The following TNRC6C variants were observed in gnomAD, a reference collection of about 807,000 sequenced individuals.
TNRC6C encodes trinucleotide repeat containing adaptor 6C.
TNRC6C carries 20 observed loss-of-function variants against 153.7 expected under a neutral mutation model. The ratio of observed to expected loss-of-function variants is 0.13; its 90% CI spans 0.09 to 0.19. TNRC6C has a LOEUF of 0.19. Ranked by LOEUF, TNRC6C falls within the 10% of genes least tolerant of loss-of-function variation. The pLI is 1.00. For synonymous variants in TNRC6C, 811 were observed against 841.4 expected, an observed-to-expected ratio of 0.96 and a Z score of 0.63; for missense variants, 1,987 against 2,172.0, an observed-to-expected ratio of 0.91 and a Z score of 1.69.
Position 78,049,697 on chromosome 17 carries a change from T to C in TNRC6C, c.635T>C (p.Val212Ala), listed in dbSNP as rs76493839. 6.2e-7 allele frequency: 1 copy of C among 1,607,452 alleles called. No homozygotes were observed. Among genetic ancestry groups the C allele is most frequent in the Admixed American group, 1.7e-5 (1 of 59,814 alleles). The change falls in exon 3 of 20, where the codon GTT becomes GCT. Residue 212 changes from valine (V) to alanine (A), a missense_variant. Around this residue, in one of 4 missense-constraint regions of TNRC6C, gnomAD observed 1,052 missense variants for 1,017.0 expected, o/e 1.03. Transcript: ENST00000301624. The surrounding 1 kb of genome is among the most constrained non-coding windows in gnomAD (Gnocchi z 4.1). ...GGACTGCCAAACTGGGGCATGGCTG[T>C]TGGTATGGGGGCCATCATCCCGCCC...
exon 20 of TNRC6C, chr17:78,106,154 G>T (rs2073690087): frequency 6.6e-6 from 1 of 151,820 alleles, no homozygotes; most frequent in Non-Finnish European, 1.5e-5. Context: ...GGCGTGGGTT[G>T]TGACTGCTTT....
Position 78,049,796 on chromosome 17 carries a change from G to A in TNRC6C, c.734G>A (p.Ser245Asn), listed in dbSNP as rs78918934. 1.7e-3 allele frequency: 2,703 copies of A among 1,603,540 alleles called. 30 individuals carry two copies. The highest frequency in any genetic ancestry group is 0.017 in the African/African-American group (1,261 of 74,930). Residue 245 changes from serine to asparagine, a missense_variant, in exon 3 of 20, where the codon AGC (serine) becomes AAC (asparagine). By Grantham distance (46) the Ser-to-Asn change is conservative. This residue lies in a region of TNRC6C where 1,052 missense variants were observed against 1,017.0 expected (regional missense o/e 1.03). Coordinates refer to ENST00000301624, the Ensembl canonical transcript of TNRC6C. This position sits in a 1 kb window ranked among gnomAD's most constrained non-coding sequence, Gnocchi z 4.1. Reference sequence around the variant, plus strand: ...AGTGGGGGCAGTGCTGAAGGAATAAGCAATTCTGTGTGGGGACTGTCCCCA... The same window carrying A: ...AGTGGGGGCAGTGCTGAAGGAATAAACAATTCTGTGTGGGGACTGTCCCCA...
rs527254930 is a variant in TNRC6C, at chr17:78,051,365, C to T, written c.2303C>T (p.Thr768Met). The T allele has an allele frequency of 6.8e-5, 106 of 1,551,236 alleles. 2 individuals are homozygous for T. Among genetic ancestry groups the T allele is most frequent in the South Asian group, 4.8e-4 (40 of 84,036 alleles). Reference sequence around the variant, plus strand: ...ACCACCACCACCACCACCACTACCACGAGCAACACCACACACAGGGTCGAG... The same window carrying T: ...ACCACCACCACCACCACCACTACCATGAGCAACACCACACACAGGGTCGAG... Residue 768 changes from threonine to methionine, a missense_variant, in exon 3 of 20, where the codon ACG becomes ATG. By Grantham distance (81) the Thr-to-Met change is moderately conservative. Coordinates refer to ENST00000301624, the Ensembl canonical transcript of TNRC6C.
At chr17:78,089,731 C>A (rs973334243) in intron 13 of TNRC6C, among the ~76,000 whole-genome samples, 7 of 152,296 alleles carry the variant, frequency 4.6e-5, no homozygotes, top group Non-Finnish European at 1.0e-4. Context: ...AGTTCACTTT[C>A]ACTTTGAGTG....
chr17:78,040,277 T>C (rs1444003605), intron 2 of TNRC6C, among the ~76,000 whole-genome samples: 6 of 152,360 alleles, frequency 3.9e-5, no homozygotes, highest in Non-Finnish European at 7.3e-5. Context: ...GCAGATTATG[T>C]TTTGCAAGTC....
intron 1 of TNRC6C, among the ~76,000 whole-genome samples, chr17:77,996,467 A>T (rs2071330141): frequency 1.3e-5 from 2 of 152,174 alleles, no homozygotes; most frequent in Admixed American, 6.5e-5. Context: ...AGTGCGGTGA[A>T]TCCACTCCAG....
chr17:78,015,772 C>T (rs1190275058), intron 1 of TNRC6C, among the ~76,000 whole-genome samples: 7 of 152,082 alleles, frequency 4.6e-5, no homozygotes, highest in East Asian at 3.9e-4. Flanking sequence ...ATTAGCTGGG[C>T]GTGGTGGTGG....
intron 2 of TNRC6C, among the ~76,000 whole-genome samples, chr17:78,039,978 TAGTC>T (rs1373587838): frequency 3.3e-5 from 5 of 152,210 alleles, no homozygotes; most frequent in Non-Finnish European, 5.9e-5. Flanking sequence ...CAAGGAGAGA[TAGTC>T]AGTTATTGCC....
rs1434778564 is a variant in TNRC6C, at chr17:78,049,106, A to G, written c.44A>G (p.Lys15Arg). 6.3e-7 allele frequency: 1 copy of G among 1,579,618 alleles called. No individual in the cohort carries two copies. The highest frequency in any genetic ancestry group is 1.3e-5 in the African/African-American group (1 of 74,390). The change falls in exon 3 of 20, where the codon AAG becomes AGG. Residue 15 changes from lysine to arginine, a missense_variant. Around this residue, in one of 4 missense-constraint regions of TNRC6C, gnomAD observed 1,052 missense variants for 1,017.0 expected, o/e 1.03. Coordinates refer to ENST00000301624, the Ensembl canonical transcript of TNRC6C. The surrounding 1 kb of genome is among the most constrained non-coding windows in gnomAD (Gnocchi z 4.1). The stretch of plus-strand genomic sequence containing the variant: ...CAGGGCAACTTCACTGGACATACCA[A>G]GAAGACAAATGGCAATAATGGCACC...
At chr17:77,998,661 T>C (rs1719307459) in intron 1 of TNRC6C, among the ~76,000 whole-genome samples, 4 of 152,232 alleles carry the variant, frequency 2.6e-5, no homozygotes, top group Admixed American at 2.0e-4. Flanking sequence ...TCTAAACTTT[T>C]ATTTGTTTAC....
At chr17:77,965,313 C>A (rs981291783) in intron 1 of TNRC6C, among the ~76,000 whole-genome samples, 2 of 152,206 alleles carry the variant, frequency 1.3e-5, no homozygotes, top group African/African-American at 2.4e-5. Flanking sequence ...TGCTATCCAG[C>A]TGCCAATATT....
At chr17:78,087,167 C>A in intron 13 of TNRC6C, 74 bp downstream of exon 15, 1 of 1,555,440 alleles carries the variant, frequency 6.4e-7, no homozygotes, top group African/African-American at 1.4e-5. Context: ...GTAGCCAGGG[C>A]AGCATTTCAG....
chr17:78,082,725 T>C (rs1213330866), intron 10 of TNRC6C, among the ~76,000 whole-genome samples: 2 of 152,118 alleles, frequency 1.3e-5, no homozygotes, highest in African/African-American at 4.8e-5. Flanking sequence ...GCTATGAACA[T>C]CTGCTTTTCT....
exon 20 of TNRC6C, chr17:78,105,286 A>G (rs1208319044): frequency 6.5e-6 from 1 of 154,716 alleles, no homozygotes; most frequent in Non-Finnish European, 1.4e-5. Flanking sequence ...GCGGCCGGTA[A>G]TCAGGGCAGA....
intron 1 of TNRC6C, among the ~76,000 whole-genome samples, chr17:77,997,866 G>C (rs986152614): frequency 2.6e-5 from 4 of 151,942 alleles, no homozygotes; most frequent in Admixed American, 2.0e-4. Context: ...GTGTTAGCCA[G>C]GATGGTCTCG....
rs572011808 is a variant in TNRC6C, at chr17:78,090,459, G to T, written c.3803-981G>T. On this transcript the variant is annotated intron_variant, in intron 13 of 19. Transcript: ENST00000301624. ...CTGTGCTTACGTACCGTGTGGCGTA[G>T]TACTTACGGTAAGGACCTATGGGGT... Among the ~76,000 whole-genome samples the T allele has an allele frequency of 7.9e-5, 12 of 152,324 alleles. No individual in the cohort carries two copies. In the South Asian group the frequency reaches 2.1e-3, roughly 26 times the overall value.
At chr17:78,086,353 A>C (rs1404553109) in intron 11 of TNRC6C, 150 bp from the exon 14 acceptor site, 10 of 508,338 alleles carry the variant, frequency 2.0e-5, no homozygotes, top group African/African-American at 4.3e-5. Flanking sequence ...AAAAAAAAAA[A>C]AAAAAAACAG....
At chr17:78,004,784 G>A (rs1002606155), upstream of TNRC6C, among the ~76,000 whole-genome samples, 1 of 152,038 alleles carries the variant, frequency 6.6e-6, no homozygotes, top group African/African-American at 2.4e-5. Flanking sequence ...GTATCTTGTA[G>A]TTTAAACAGT....
chr17:78,086,095 G>A (rs1042389487), intron 11 of TNRC6C, among the ~76,000 whole-genome samples: 3 of 151,968 alleles, frequency 2.0e-5, no homozygotes, highest in Admixed American at 6.6e-5. Context: ...ACTTTGGGAG[G>A]CTGAGGCAGG....
Sources: gnomAD v4.1 joint callset for allele counts (sites outside exome capture counted in the v4.1 genomes callset) on GRCh38, gnomAD v4.1.1 for gene constraint, gnomAD v4.1.1 regional missense constraint, Gnocchi (gnomAD v3.1) non-coding constraint, MANE v1.5 for transcripts, NCBI Gene and HGNC (gene_info 2026-07-23, HGNC 2026-07-21) for gene names.